Variants in FAM13B observed in about 807,000 individuals in gnomAD.
FAM13B encodes the protein family with sequence similarity 13 member B.
A neutral mutation model predicts 117.3 loss-of-function variants in FAM13B; 60 were observed. The observed-to-expected ratio is 0.51, with a 90% CI of 0.42 to 0.63. The LOEUF is 0.63. FAM13B is among the 30% of genes least tolerant of loss of function. FAM13B has a pLI of 0.00. For synonymous variants in FAM13B, 332 were observed against 356.1 expected (o/e 0.93, Z 0.76); for missense variants, 972 against 1,091.9 (o/e 0.89, Z 1.55).
In FAM13B at chr5:137,950,715, C is replaced by T. The variant is rs531475536; in HGVS notation, c.1931-1531G>A. ...TTTAAAGATAATTCTGACTACCATG[C>T]AGCAGACGGACTACAGAGCAGTAAA... On this transcript the variant is annotated intron_variant, in intron 17 of 23. Coordinates refer to ENST00000689681, the MANE Select transcript of FAM13B (RefSeq NM_001385994.1). Among the ~76,000 whole-genome samples the T allele has an allele frequency of 3.6e-4, 55 of 151,998 alleles. No homozygotes were observed. In the East Asian group the frequency reaches 9.7e-3, roughly 27 times the overall value.
chr5:137,969,270 G>A (rs574574377), intron 10 of FAM13B, among the ~76,000 whole-genome samples: 45 of 152,310 alleles, frequency 3.0e-4, no homozygotes, highest in Non-Finnish European at 3.4e-4. Flanking sequence ...ATCTGAGAAC[G>A]GGCAGACTGC....
intron 7 of FAM13B, among the ~76,000 whole-genome samples, chr5:137,993,702 G>A (rs541307493): frequency 1.1e-3 from 167 of 152,074 alleles, no homozygotes; most frequent in African/African-American, 3.8e-3. Flanking sequence ...CAGGAGAATC[G>A]CTTGAACCCA....
intron 7 of FAM13B, among the ~76,000 whole-genome samples, chr5:138,006,091 G>A (rs1437590909): frequency 6.6e-6 from 1 of 151,944 alleles, no homozygotes; most frequent in Non-Finnish European, 1.5e-5. Context: ...TAGAGACGGG[G>A]TTTCACCGTG....
intron 1 of FAM13B, among the ~76,000 whole-genome samples, chr5:138,026,000 G>A (rs1490400450): frequency 3.3e-5 from 5 of 152,174 alleles, no homozygotes; most frequent in African/African-American, 9.7e-5. Context: ...TTAGTAGTAA[G>A]GGGCTTTTAA....
At chr5:138,007,235 C>CA in intron 6 of FAM13B, 88 bp from the exon 7 acceptor site, 1 of 1,016,650 alleles carries the variant, frequency 9.8e-7, no homozygotes, top group South Asian at 2.1e-5. Context: ...ATTTTAAACA[C>CA]AAACAACTCA....
upstream of FAM13B, among the ~76,000 whole-genome samples, chr5:138,052,118 C>CA (rs1294578881): frequency 6.6e-6 from 1 of 151,952 alleles, no homozygotes; most frequent in Admixed American, 6.5e-5. Context: ...GCAGTCAAGG[C>CA]AGCAGGCTGA....
At chr5:137,978,091 T>A (rs1377727979) in intron 10 of FAM13B, among the ~76,000 whole-genome samples, 4 of 152,088 alleles carry the variant, frequency 2.6e-5, no homozygotes, top group Non-Finnish European at 5.9e-5. Flanking sequence ...TTTTTCAAAA[T>A]AACTTTACCT....
At chr5:138,047,512 A>G (rs113340832) in intron 1 of FAM13B, among the ~76,000 whole-genome samples, 1 of 105,272 alleles carries the variant, frequency 9.5e-6, no homozygotes, top group Admixed American at 9.3e-5. Flanking sequence ...CTCAAAAAAA[A>G]AAAAATGAAG....
chr5:137,984,755 T>C (rs1776717578), intron 10 of FAM13B, among the ~76,000 whole-genome samples: 1 of 150,334 alleles, frequency 6.7e-6, no homozygotes, highest in Non-Finnish European at 1.5e-5. Context: ...GAAAATAATT[T>C]AAAATAAGTT....
At position 138,018,507 on chromosome 5, in the gene FAM13B, C is replaced by T. The variant is rs763348284; in HGVS notation, c.165G>A (p.Leu55=). Residue 55 remains leucine (L), a synonymous_variant, in exon 4 of 24, where the codon CTG becomes CTA. Coordinates refer to ENST00000689681, the MANE Select transcript of FAM13B (RefSeq NM_001385994.1). The part of the protein sequence containing the change: ...VVDYIEEHGG[L]EQQGLFQVNG... ...TGACTTGAAAAAGTCCTTGTTGCTC[C>T]AGACCTCCTACGTTAGTTCAAGGCA... The T allele has an allele frequency of 1.5e-5, 25 of 1,613,968 alleles. No individual in the cohort carries two copies. Among genetic ancestry groups the T allele is most frequent in the Middle Eastern group, 1.6e-4 (1 of 6,062 alleles).
At chr5:138,007,415 A>T (rs1782824166) in intron 6 of FAM13B, among the ~76,000 whole-genome samples, 1 of 152,232 alleles carries the variant, frequency 6.6e-6, no homozygotes, top group South Asian at 2.1e-4. Context: ...TAGTATATCT[A>T]GGAATATAAG....
At chr5:138,032,716 G>A (rs1273912732) in intron 1 of FAM13B, 66 bp downstream of exon 1, 4 of 985,640 alleles carry the variant, frequency 4.1e-6, no homozygotes, top group Non-Finnish European at 4.8e-6. Flanking sequence ...GGCAACAGGA[G>A]GGGAAGGGCC....
intron 10 of FAM13B, among the ~76,000 whole-genome samples, chr5:137,980,033 C>T (rs1477458089): frequency 1.4e-5 from 2 of 147,294 alleles, no homozygotes; most frequent in Non-Finnish European, 1.5e-5. Context: ...ATTAGCCGGG[C>T]GTGGTGGCAC....
chr5:138,022,112 C>CAA (rs34110085), intron 1 of FAM13B, among the ~76,000 whole-genome samples: 23 of 135,566 alleles, frequency 1.7e-4, no homozygotes, highest in Admixed American at 3.6e-4. Flanking sequence ...GATCCTGTCT[C>CAA]AAAAAAAAAA....
chr5:137,993,163 A>C (rs1167937881), intron 7 of FAM13B, among the ~76,000 whole-genome samples: 1 of 152,228 alleles, frequency 6.6e-6, no homozygotes, highest in East Asian at 1.9e-4. Context: ...TGATTGCTAT[A>C]ATGTCCACAT....
chr5:138,011,725 T>A (rs1450836628), intron 5 of FAM13B, 43 bp downstream of exon 5: 1 of 1,480,130 alleles, frequency 6.8e-7, no homozygotes, highest in Admixed American at 2.0e-5. Flanking sequence ...GCCTCACATA[T>A]CTAATTTTTA....
At chr5:137,941,616 G>C (rs1252776614) in intron 23 of FAM13B, among the ~76,000 whole-genome samples, 1 of 152,128 alleles carries the variant, frequency 6.6e-6, no homozygotes, top group Non-Finnish European at 1.5e-5. Flanking sequence ...TCCTGTCATG[G>C]GATCCTTTCT....
rs374596108 is a variant in FAM13B at position 138,031,404 on chromosome 5, G to C, written c.-203+1378C>G. On this transcript the variant is annotated intron_variant, in intron 1 of 23. Coordinates refer to ENST00000689681, the MANE Select transcript of FAM13B (RefSeq NM_001385994.1). ...CAGCACGGATTAAAAAAGTAAGAAG[G>C]GGGCAAGGCACGGTGACTCACGCCT... is the stretch of plus-strand genomic sequence containing the variant. 1.6e-4 allele frequency among the ~76,000 whole-genome samples: 25 copies of C among 152,196 alleles called. No individual in the cohort carries two copies. In the East Asian group the frequency reaches 4.1e-3, roughly 25 times the overall value.
rs1472231862 is a variant in FAM13B, at chr5:137,954,947, A to T, written c.1508-571T>A. ...CAGAGTTCTATTTCCATATAAATTT[A>T]AATTTCTGAACCCAGTGGCAAAGCA... On this transcript the variant is annotated intron_variant, in intron 14 of 23. Coordinates refer to ENST00000689681, the MANE Select transcript of FAM13B (RefSeq NM_001385994.1). Among the ~76,000 whole-genome samples the T allele has an allele frequency of 3.9e-5, 6 of 152,134 alleles. 1 individual carries two copies. Among genetic ancestry groups the T allele is most frequent in the Non-Finnish European group, 8.8e-5 (6 of 68,018 alleles).
Sources: gnomAD v4.1 joint callset for allele counts (sites outside exome capture counted in the v4.1 genomes callset) on GRCh38, gnomAD v4.1.1 for gene constraint, MANE v1.5 for transcripts, NCBI Gene and HGNC (gene_info 2026-07-23, HGNC 2026-07-21) for gene names.